Variants in NALF1 observed in about 807,000 individuals in gnomAD.
NALF1 encodes the protein family with sequence similarity 155 member A.
Under a neutral mutation model 48.4 loss-of-function variants are expected in NALF1, and 3 were observed. That is an observed-to-expected ratio of 0.06 (90% CI 0.03 to 0.16). The LOEUF is 0.16. Ranked by LOEUF, NALF1 falls within the 10% of genes least tolerant of loss-of-function variation. The pLI, the probability that NALF1 is intolerant of heterozygous loss-of-function variation, is 1.00. For missense variants in NALF1, 526 were observed against 571.5 expected, an observed-to-expected ratio of 0.92 and a Z score of 0.81; for synonymous variants, 262 against 245.7, an observed-to-expected ratio of 1.07 and a Z score of -0.62.
chr13:107,828,612 C>G (rs972550936), intron 1 of NALF1, among the ~76,000 whole-genome samples: 1 of 103,516 alleles, frequency 9.7e-6, no homozygotes. Flanking sequence ...TCTATACACA[C>G]ACACACACAC....
chr13:107,700,632 G>A (rs997157367), intron 1 of NALF1, among the ~76,000 whole-genome samples: 14 of 151,930 alleles, frequency 9.2e-5, no homozygotes, highest in African/African-American at 3.4e-4. Context: ...ACCTGAACAG[G>A]ACTACAGCAA....
intron 1 of NALF1, among the ~76,000 whole-genome samples, chr13:107,709,128 A>C (rs960370401): frequency 5.3e-5 from 8 of 152,262 alleles, no homozygotes; most frequent in Non-Finnish European, 1.2e-4. Context: ...GTGTTGAAAG[A>C]GAACTCATTT....
intron 1 of NALF1, among the ~76,000 whole-genome samples, chr13:107,711,440 A>T (rs901042840): frequency 6.6e-6 from 1 of 152,174 alleles, no homozygotes; most frequent in African/African-American, 2.4e-5. Context: ...GGTTCAAACA[A>T]TTCTCCCGTC....
intron 1 of NALF1, among the ~76,000 whole-genome samples, chr13:107,287,838 T>TG (rs1881529451): frequency 6.6e-6 from 1 of 151,402 alleles, no homozygotes; most frequent in African/African-American, 2.4e-5. Flanking sequence ...CCCGAGTAAC[T>TG]GGGATTACAA....
intron 1 of NALF1, among the ~76,000 whole-genome samples, chr13:107,696,121 C>T (rs1881696136): frequency 1.3e-5 from 2 of 152,126 alleles, no homozygotes; most frequent in Admixed American, 6.5e-5. Context: ...TGGCCTTGAA[C>T]TCTGATCTCA....
chr13:107,848,709 T>C (rs767181828), intron 1 of NALF1, among the ~76,000 whole-genome samples: 1 of 152,190 alleles, frequency 6.6e-6, no homozygotes, highest in African/African-American at 2.4e-5. Flanking sequence ...AACCTGTCCA[T>C]AGGCAATTAC....
At position 107,386,385 on chromosome 13, in the gene NALF1, T is replaced by C. The variant is rs374781835; in HGVS notation, c.916-175630A>G. Reference sequence around the variant, plus strand: ...AATTACATTTCTCCTTAAGTGAACATGCAATTTGATGTCTCTGGAAACTTG... The same window carrying C: ...AATTACATTTCTCCTTAAGTGAACACGCAATTTGATGTCTCTGGAAACTTG... On this transcript the variant is annotated intron_variant, in intron 1 of 2. Transcript: ENST00000375915. 2.2e-4 allele frequency among the ~76,000 whole-genome samples: 33 copies of C among 152,320 alleles called. 1 individual carries two copies. In the East Asian group the frequency reaches 2.5e-3, roughly 12 times the overall value.
chr13:107,520,597 T>C (rs868513726), intron 1 of NALF1, among the ~76,000 whole-genome samples: 1 of 152,234 alleles, frequency 6.6e-6, no homozygotes, highest in Admixed American at 6.5e-5. Flanking sequence ...AAATAAGCTT[T>C]CTACATTCAA....
chr13:107,436,920 T>C (rs1884472065), intron 1 of NALF1, among the ~76,000 whole-genome samples: 1 of 152,124 alleles, frequency 6.6e-6, no homozygotes, highest in African/African-American at 2.4e-5. Flanking sequence ...TATATTTTTG[T>C]TCATCAAGAG....
intron 1 of NALF1, among the ~76,000 whole-genome samples, chr13:107,358,165 C>CGTGTGT (rs767728404): frequency 8.9e-5 from 10 of 112,824 alleles, no homozygotes; most frequent in African/African-American, 2.3e-4. Flanking sequence ...ATATACGTAA[C>CGTGTGT]ATATGTGTGT....
chr13:107,571,640 G>A (rs1877990266), intron 1 of NALF1, among the ~76,000 whole-genome samples: 1 of 152,294 alleles, frequency 6.6e-6, no homozygotes, highest in Admixed American at 6.5e-5. Context: ...TTGAACTGAA[G>A]AAGGGGTTCA....
chr13:107,864,777 C>G (rs1047472477), intron 1 of NALF1, among the ~76,000 whole-genome samples: 7 of 152,202 alleles, frequency 4.6e-5, no homozygotes, highest in Admixed American at 3.3e-4. Flanking sequence ...CCTATTGTTG[C>G]ATTTGCATCG....
chr13:107,603,572 A>G (rs1878990193), intron 1 of NALF1, among the ~76,000 whole-genome samples: 1 of 152,250 alleles, frequency 6.6e-6, no homozygotes, highest in African/African-American at 2.4e-5. Context: ...ATCATATAAA[A>G]TGTACACTCC....
rs113547171 is a variant in NALF1, at chr13:107,618,019, C to A, written c.915+247663G>T. Among the ~76,000 whole-genome samples the A allele has an allele frequency of 4.5e-3, 690 of 152,156 alleles. 5 individuals carry two copies. Among genetic ancestry groups the A allele is most frequent in the African/African-American group, 0.015 (619 of 41,498 alleles). ...GTCCACAATGAATAAAATAAGCATG[C>A]TCCCTGCTCTCATGTAGCTAATAAT... On this transcript the variant is annotated intron_variant, in intron 1 of 2. Coordinates refer to ENST00000375915, the MANE Select transcript of NALF1 (RefSeq NM_001080396.3).
chr13:107,500,894 C>T (rs28526348), intron 1 of NALF1, among the ~76,000 whole-genome samples: 51,875 of 150,140 alleles, frequency 0.35, 9,882 homozygotes, highest in African/African-American at 0.5. Flanking sequence ...TAGGTGGGAA[C>T]TGAACAATGA....
At chr13:107,255,619 C>T (rs1307732826) in intron 1 of NALF1, among the ~76,000 whole-genome samples, 2 of 152,140 alleles carry the variant, frequency 1.3e-5, no homozygotes, top group Non-Finnish European at 1.5e-5. Flanking sequence ...CCACAATGTA[C>T]AGTAATTAAC....
At chr13:107,781,658 C>T (rs143661763) in intron 1 of NALF1, among the ~76,000 whole-genome samples, 1 of 151,740 alleles carries the variant, frequency 6.6e-6, no homozygotes, top group Non-Finnish European at 1.5e-5. Flanking sequence ...CTTACTAGAT[C>T]ACATTAGATC....
At chr13:107,692,862 T>C (rs921906436) in intron 1 of NALF1, among the ~76,000 whole-genome samples, 2 of 152,206 alleles carry the variant, frequency 1.3e-5, no homozygotes, top group African/African-American at 4.8e-5. Flanking sequence ...GGAGCAGTTA[T>C]TAAATGAACT....
intron 1 of NALF1, among the ~76,000 whole-genome samples, chr13:107,422,670 T>C (rs1884209223): frequency 6.6e-6 from 1 of 152,160 alleles, no homozygotes; most frequent in Non-Finnish European, 1.5e-5. Flanking sequence ...AACAGTTATC[T>C]CTAGAACCTG....
Sources: gnomAD v4.1 joint callset for allele counts (sites outside exome capture counted in the v4.1 genomes callset) on GRCh38, gnomAD v4.1.1 for gene constraint, MANE v1.5 for transcripts, NCBI Gene and HGNC (gene_info 2026-07-23, HGNC 2026-07-21) for gene names.